The following PCDH7 variants were observed in gnomAD, a reference collection of about 807,000 sequenced individuals.
The protein encoded by PCDH7 is protocadherin 7.
A neutral mutation model predicts 58.9 loss-of-function variants in PCDH7; 17 were observed. That is an observed-to-expected ratio of 0.29 (90% CI 0.20 to 0.43). The LOEUF is 0.43. Among genes scored for constraint, PCDH7 ranks in the 20% least tolerant of loss-of-function variants. The pLI is 1.00. For synonymous variants in PCDH7, 664 were observed against 616.4 expected (o/e 1.08, Z -1.14); for missense variants, 1,274 against 1,441.0 (o/e 0.88, Z 1.88).
exon 4 of PCDH7, chr4:31,142,678 C>T: frequency 7.3e-7 from 1 of 1,367,714 alleles, no homozygotes; most frequent in Non-Finnish European, 9.8e-7. Context: ...TCATGGGTGA[C>T]CGCAACAGAA....
chr4:31,079,605 AG>A (rs2109266456), intron 3 of PCDH7, among the ~76,000 whole-genome samples: 1 of 151,444 alleles, frequency 6.6e-6, no homozygotes, highest in East Asian at 1.9e-4. Flanking sequence ...TTGAGAGTAC[AG>A]GTTTATAGAA....
At chr4:31,140,996 G>A (rs1247905795) in intron 3 of PCDH7, among the ~76,000 whole-genome samples, 5 of 152,160 alleles carry the variant, frequency 3.3e-5, no homozygotes, top group Non-Finnish European at 7.4e-5. Context: ...ATCCCAGGAC[G>A]CTGTTTCAAT....
At chr4:30,997,649 A>ACACAAT (rs1174804616) in intron 3 of PCDH7, among the ~76,000 whole-genome samples, 1 of 152,162 alleles carries the variant, frequency 6.6e-6, no homozygotes, top group Non-Finnish European at 1.5e-5. Flanking sequence ...ACACATGCCT[A>ACACAAT]CACAATTTTT....
At chr4:31,048,721 G>A (rs1467845466) in intron 3 of PCDH7, among the ~76,000 whole-genome samples, 13 of 151,064 alleles carry the variant, frequency 8.6e-5, no homozygotes, top group African/African-American at 2.7e-4. Flanking sequence ...AAAAGAGAGA[G>A]AGAGAAAAAA....
chr4:30,753,335 A>C, intron 1 of PCDH7, among the ~76,000 whole-genome samples: 1 of 152,350 alleles, frequency 6.6e-6, no homozygotes, highest in East Asian at 1.9e-4. Flanking sequence ...AAAATGCCTC[A>C]GTTTATATAC....
intron 3 of PCDH7, among the ~76,000 whole-genome samples, chr4:31,100,391 T>A (rs755237824): frequency 6.6e-6 from 1 of 152,140 alleles, no homozygotes; most frequent in Non-Finnish European, 1.5e-5. Flanking sequence ...AAGATACAGA[T>A]GAGATAATCA....
chr4:30,928,428 G>T (rs1364098199), intron 2 of PCDH7, among the ~76,000 whole-genome samples: 1 of 152,160 alleles, frequency 6.6e-6, no homozygotes, highest in Admixed American at 6.5e-5. Context: ...TAGTGTCAAA[G>T]CTGTGTTTAT....
At chr4:30,757,043 C>A (rs1577678091) in intron 1 of PCDH7, among the ~76,000 whole-genome samples, 1 of 152,316 alleles carries the variant, frequency 6.6e-6, no homozygotes, top group African/African-American at 2.4e-5. Flanking sequence ...AGTTCTACAT[C>A]TTTTTCATCC....
chr4:30,797,383 C>A (rs2109303418), intron 1 of PCDH7, among the ~76,000 whole-genome samples: 1 of 149,884 alleles, frequency 6.7e-6, no homozygotes, highest in African/African-American at 2.5e-5. Context: ...CACCTTTCTC[C>A]TGCCTCAGCC....
chr4:30,859,333 G>A (rs1733890884), intron 1 of PCDH7, among the ~76,000 whole-genome samples: 1 of 151,992 alleles, frequency 6.6e-6, no homozygotes, highest in Non-Finnish European at 1.5e-5. Flanking sequence ...TCAATAATCT[G>A]TCCTAATACT....
chr4:30,767,098 C>T (rs1720849927), intron 1 of PCDH7, among the ~76,000 whole-genome samples: 1 of 151,928 alleles, frequency 6.6e-6, no homozygotes, highest in Non-Finnish European at 1.5e-5. Flanking sequence ...CTGTAAATAA[C>T]AGCCATTACA....
chr4:31,113,652 A>C (rs896340503), intron 3 of PCDH7, among the ~76,000 whole-genome samples: 2 of 152,088 alleles, frequency 1.3e-5, no homozygotes, highest in Non-Finnish European at 2.9e-5. Flanking sequence ...GTGTAGTTTC[A>C]AGAATTATCT....
At chr4:30,839,546 A>G (rs920556270) in intron 1 of PCDH7, among the ~76,000 whole-genome samples, 2 of 152,102 alleles carry the variant, frequency 1.3e-5, no homozygotes, top group African/African-American at 4.8e-5. Flanking sequence ...ATTTTTTGCC[A>G]TAGAACCTGT....
intron 1 of PCDH7, among the ~76,000 whole-genome samples, chr4:30,854,338 G>A (rs1361594903): frequency 6.7e-6 from 1 of 148,846 alleles, no homozygotes; most frequent in African/African-American, 2.5e-5. Context: ...ATCATTGACA[G>A]CTATGAAAAT....
chr4:30,920,602 CTT>C (rs1411689005), intron 2 of PCDH7, among the ~76,000 whole-genome samples: 1 of 152,088 alleles, frequency 6.6e-6, no homozygotes, highest in Non-Finnish European at 1.5e-5. Context: ...AATAAACGCA[CTT>C]ATAAATAAAT....
At chr4:30,794,773 A>G (rs1479803242) in intron 1 of PCDH7, among the ~76,000 whole-genome samples, 1 of 152,098 alleles carries the variant, frequency 6.6e-6, no homozygotes, top group Non-Finnish European at 1.5e-5. Flanking sequence ...TATTTTGTAA[A>G]ATAAGAATAA....
chr4:30,920,405 G>A (rs767758590), intron 2 of PCDH7, 36 bp downstream of exon 2: 41 of 1,326,752 alleles, frequency 3.1e-5, no homozygotes, highest in East Asian at 4.7e-5. Flanking sequence ...ACATAATCAC[G>A]CTAGTGAGCC....
chr4:31,111,741 T>C (rs1478706977), intron 3 of PCDH7, among the ~76,000 whole-genome samples: 2 of 152,210 alleles, frequency 1.3e-5, no homozygotes, highest in African/African-American at 4.8e-5. Context: ...TTCTCAACCC[T>C]AACATGTAAC....
At chr4:30,960,523 A>G (rs1748312690) in intron 3 of PCDH7, among the ~76,000 whole-genome samples, 1 of 152,222 alleles carries the variant, frequency 6.6e-6, no homozygotes, top group South Asian at 2.1e-4. Flanking sequence ...CAGTAGTCAC[A>G]ATAATCATGG....
Sources: gnomAD v4.1 joint callset for allele counts (sites outside exome capture counted in the v4.1 genomes callset) on GRCh38, gnomAD v4.1.1 for gene constraint, MANE v1.5 for transcripts, NCBI Gene and HGNC (gene_info 2026-07-23, HGNC 2026-07-21) for gene names.